GPC6: variants seen among roughly 807,000 people sequenced by gnomAD.
GPC6 encodes the protein glypican-6.
GPC6 carries 14 observed loss-of-function variants against 55.2 expected under a neutral mutation model. That is an observed-to-expected ratio of 0.25 (90% CI 0.17 to 0.40). GPC6 has a LOEUF of 0.40. Ranked by LOEUF, GPC6 falls within the 10% of genes least tolerant of loss-of-function variation. GPC6 has a pLI of 1.00. For missense variants in GPC6, 641 were observed against 708.5 expected, an observed-to-expected ratio of 0.90 and a Z score of 1.08; for synonymous variants, 278 against 259.6, an observed-to-expected ratio of 1.07 and a Z score of -0.68.
At chr13:93,875,939 G>A (rs955016008) in intron 3 of GPC6, among the ~76,000 whole-genome samples, 7 of 152,006 alleles carry the variant, frequency 4.6e-5, no homozygotes, top group South Asian at 2.1e-4. Context: ...CAAGGCTCAG[G>A]CATTTAATTA....
intron 4 of GPC6, among the ~76,000 whole-genome samples, chr13:94,040,299 C>CCGAAAACA (rs1883485588): frequency 6.6e-6 from 1 of 151,778 alleles, no homozygotes; most frequent in East Asian, 1.9e-4. Context: ...ATGATTGTCA[C>CCGAAAACA]CAACGAAAAC....
chr13:93,278,716 G>C (rs2139064257), intron 1 of GPC6, among the ~76,000 whole-genome samples: 1 of 152,240 alleles, frequency 6.6e-6, no homozygotes, highest in Admixed American at 6.5e-5. Flanking sequence ...TATATAATTT[G>C]TAAAGCAGTG....
At position 94,224,809 on chromosome 13, in the gene GPC6, C is replaced by G. The variant is rs536519208; in HGVS notation, c.878-61540C>G. 1.6e-4 allele frequency among the ~76,000 whole-genome samples: 24 copies of G among 152,238 alleles called. No homozygotes were observed. In the East Asian group the frequency reaches 4.6e-3, roughly 29 times the overall value. On this transcript the variant is annotated intron_variant, in intron 4 of 8. Coordinates refer to ENST00000377047, the MANE Select transcript of GPC6 (RefSeq NM_005708.5). The stretch of plus-strand genomic sequence containing the variant: ...AAAATGCCTCGAGCATCCCTAAGAA[C>G]TGTTGCACGACCTTTGTTCTTGACT...
chr13:93,930,422 CCACCA>C lies in GPC6; in HGVS notation c.712-97302_712-97298del, dbSNP rs1375831551. On this transcript the variant is annotated intron_variant, in intron 3 of 8. Transcript: ENST00000377047. ...GAGTAGCTGGGACTACAGGCACCCGCCACCACACCTGGCTAATTTTGTATTTTTTT... is the reference window on the plus strand; with the variant it reads ...GAGTAGCTGGGACTACAGGCACCCGCCACCTGGCTAATTTTGTATTTTTTT... 3.9e-5 allele frequency among the ~76,000 whole-genome samples: 6 copies of C among 152,034 alleles called. No homozygotes were observed. In the East Asian group the frequency reaches 1.2e-3, roughly 30 times the overall value.
At chr13:94,097,018 G>T (rs1171688571) in intron 4 of GPC6, among the ~76,000 whole-genome samples, 4 of 151,518 alleles carry the variant, frequency 2.6e-5, no homozygotes, top group Non-Finnish European at 4.4e-5. Context: ...TGATAAATAG[G>T]TTAACACCTA....
chr13:93,754,746 C>G (rs1021934386), intron 2 of GPC6, among the ~76,000 whole-genome samples: 16 of 151,026 alleles, frequency 1.1e-4, no homozygotes, highest in African/African-American at 3.9e-4. Flanking sequence ...TTCTCATAAA[C>G]AGAAACATAA....
intron 4 of GPC6, among the ~76,000 whole-genome samples, chr13:94,174,337 T>G (rs1177085277): frequency 6.6e-6 from 1 of 152,094 alleles, no homozygotes; most frequent in African/African-American, 2.4e-5. Flanking sequence ...GCCAAGTGAA[T>G]TTTAGAATAA....
At chr13:93,655,306 C>G (rs1880615231) in intron 2 of GPC6, among the ~76,000 whole-genome samples, 3 of 152,092 alleles carry the variant, frequency 2.0e-5, no homozygotes, top group Admixed American at 2.0e-4. Context: ...TGAATTATAA[C>G]TGAGTCATGC....
At chr13:94,075,637 C>T (rs1350367657) in intron 4 of GPC6, among the ~76,000 whole-genome samples, 2 of 152,078 alleles carry the variant, frequency 1.3e-5, no homozygotes, top group African/African-American at 2.4e-5. Context: ...CCTTGGCAAC[C>T]GCCATTCATT....
At chr13:94,309,012 C>T (rs1335415730) in intron 6 of GPC6, among the ~76,000 whole-genome samples, 1 of 152,168 alleles carries the variant, frequency 6.6e-6, no homozygotes, top group African/African-American at 2.4e-5. Flanking sequence ...TCCAGATGGG[C>T]CTGTCATCCA....
chr13:94,345,512 AGAACAT>A (rs1280064410), intron 6 of GPC6, among the ~76,000 whole-genome samples: 9 of 152,352 alleles, frequency 5.9e-5, no homozygotes, highest in African/African-American at 2.2e-4. Flanking sequence ...CTCAGATCTA[AGAACAT>A]GAACATGAAA....
At chr13:93,870,321 T>C (rs945360616) in intron 3 of GPC6, among the ~76,000 whole-genome samples, 7 of 151,938 alleles carry the variant, frequency 4.6e-5, no homozygotes, top group Admixed American at 3.9e-4. Flanking sequence ...TTCTTGCTGT[T>C]ATTTTTTATG....
At chr13:93,372,199 A>G (rs1874686708) in intron 1 of GPC6, among the ~76,000 whole-genome samples, 1 of 146,774 alleles carries the variant, frequency 6.8e-6, no homozygotes, top group Non-Finnish European at 1.5e-5. Context: ...ATTGCTTGCA[A>G]ACAGGTTAGA....
chr13:93,540,837 C>G (rs1882264504), intron 1 of GPC6, among the ~76,000 whole-genome samples: 1 of 152,140 alleles, frequency 6.6e-6, no homozygotes, highest in South Asian at 2.1e-4. Context: ...TCAAAGACCT[C>G]TTACTTTCCT....
chr13:94,277,323 G>C (rs1301945596), intron 4 of GPC6, among the ~76,000 whole-genome samples: 1 of 151,478 alleles, frequency 6.6e-6, no homozygotes, highest in Non-Finnish European at 1.5e-5. Flanking sequence ...GTAGGTTTTA[G>C]ATATTAGACC....
At chr13:94,037,067 C>A (rs1379981816) in intron 4 of GPC6, among the ~76,000 whole-genome samples, 1 of 151,904 alleles carries the variant, frequency 6.6e-6, no homozygotes, top group Non-Finnish European at 1.5e-5. Context: ...ATGACTCAAC[C>A]AGACGAGAGA....
intron 4 of GPC6, among the ~76,000 whole-genome samples, chr13:94,058,025 A>T (rs1884188888): frequency 6.6e-6 from 1 of 152,186 alleles, no homozygotes; most frequent in Non-Finnish European, 1.5e-5. Flanking sequence ...TCATAAGCAT[A>T]TTCAAAGGAA....
Position 93,584,647 on chromosome 13 carries a change from T to C in GPC6, c.319+39226T>C, listed in dbSNP as rs1877103176. On this transcript the variant is annotated intron_variant, in intron 2 of 8. Coordinates refer to ENST00000377047, the MANE Select transcript of GPC6 (RefSeq NM_005708.5). The stretch of plus-strand genomic sequence containing the variant: ...TCAAAAAGCTTGAAAATGGTTATTC[T>C]AAAGTATAATGCACGTTACCATGTT... Among the ~76,000 whole-genome samples the C allele has an allele frequency of 2.0e-5, 3 of 150,806 alleles. 1 individual carries two copies. In the South Asian group the frequency reaches 6.3e-4, roughly 32 times the overall value.
At chr13:93,594,041 A>G (rs1298596564) in intron 2 of GPC6, among the ~76,000 whole-genome samples, 4 of 152,188 alleles carry the variant, frequency 2.6e-5, no homozygotes, top group South Asian at 2.1e-4. Context: ...GCTTTTATAT[A>G]TAAGAAATTG....
Sources: gnomAD v4.1 joint callset for allele counts (sites outside exome capture counted in the v4.1 genomes callset) on GRCh38, gnomAD v4.1.1 for gene constraint, MANE v1.5 for transcripts, NCBI Gene and HGNC (gene_info 2026-07-23, HGNC 2026-07-21) for gene names.